The following PRR5 variants were observed in gnomAD, a reference collection of about 807,000 sequenced individuals.
PRR5 encodes proline rich 5, also known as proline-rich protein 5.
In PRR5, 25 loss-of-function variants were observed where a neutral mutation model predicts 30.6. The observed-to-expected ratio is 0.82, with a 90% CI of 0.60 to 1.14. The LOEUF is 1.14. Among genes scored for constraint, PRR5 ranks in the 50% most tolerant of loss-of-function variants. The probability of loss-of-function intolerance (pLI) is 0.00; values close to 1 mark genes in which losing one functional copy is unlikely to be tolerated. For missense variants in PRR5, 600 were observed against 547.1 expected, an observed-to-expected ratio of 1.10 and a Z score of -0.96; for synonymous variants, 286 against 247.1, an observed-to-expected ratio of 1.16 and a Z score of -1.48.
chr22:44,680,732 C>A (rs180756507), intron 1 of PRR5, among the ~76,000 whole-genome samples: 6,303 of 150,264 alleles, frequency 0.042, 150 homozygotes, highest in East Asian at 0.12. Flanking sequence ...TGAGACCCCC[C>A]CACACACACC....
upstream of PRR5, among the ~76,000 whole-genome samples, chr22:44,672,387 G>A (rs1923474770): frequency 6.6e-6 from 1 of 152,078 alleles, no homozygotes; most frequent in Non-Finnish European, 1.5e-5. Context: ...GAGTTCGAGA[G>A]CAGGCTGGCC....
At chr22:44,689,196 C>G (rs1293067378) in intron 1 of PRR5, among the ~76,000 whole-genome samples, 1 of 152,016 alleles carries the variant, frequency 6.6e-6, no homozygotes, top group Non-Finnish European at 1.5e-5. Context: ...ATAATAATAA[C>G]CCTCCCATTT....
rs745884947 is a variant in PRR5 at position 44,737,098 on chromosome 22, C to T, written c.1018C>T (p.Leu340=). The T allele has an allele frequency of 6.8e-6, 11 of 1,612,118 alleles. No individual in the cohort carries two copies. The East Asian group carries it at 1.6e-4, about 23-fold the overall frequency. ...EQGLDPTRSS[L]PRSSPENLVD... ...GGGCTTGGATCCCACCCGCAGCTCC[C>T]TGCCCCGCTCCAGCCCGGAGAACCT... Residue 340 remains leucine (L), a synonymous_variant, in exon 8 of 8, where the codon CTG becomes TTG. Transcript: ENST00000336985.
At chr22:44,709,340 G>A (rs1324102834) in intron 1 of PRR5, among the ~76,000 whole-genome samples, 1 of 152,192 alleles carries the variant, frequency 6.6e-6, no homozygotes, top group African/African-American at 2.4e-5. Flanking sequence ...TCTGTGTGAG[G>A]GAGAGGCGGG....
chr22:44,683,898 A>G (rs1924508241), intron 1 of PRR5, among the ~76,000 whole-genome samples: 1 of 152,234 alleles, frequency 6.6e-6, no homozygotes, highest in Non-Finnish European at 1.5e-5. Flanking sequence ...GATAGGGTTC[A>G]TGGATGGCTG....
intron 1 of PRR5, among the ~76,000 whole-genome samples, chr22:44,707,491 T>A (rs1189366266): frequency 1.3e-5 from 2 of 152,202 alleles, no homozygotes; most frequent in Non-Finnish European, 2.9e-5. Flanking sequence ...GGCTCTGTGC[T>A]TGTGCCCTAG....
chr22:44,702,665 T>C (rs1926521693), intron 1 of PRR5, 57 bp downstream of exon 1: 3 of 1,251,224 alleles, frequency 2.4e-6, no homozygotes, highest in Non-Finnish European at 3.0e-6. Context: ...AGGGGACCCC[T>C]GAGCCGTCCG....
chr22:44,679,640 C>T (rs1054636921), intron 1 of PRR5: 5 of 592,504 alleles, frequency 8.4e-6, no homozygotes, highest in Middle Eastern at 4.8e-4. Context: ...CCAGGAGGCG[C>T]GGTTGCAGTG....
chr22:44,709,447 A>C (rs1036713821), intron 1 of PRR5, among the ~76,000 whole-genome samples: 4 of 152,094 alleles, frequency 2.6e-5, no homozygotes, highest in Non-Finnish European at 5.9e-5. Context: ...AAGCCAAAGA[A>C]TGTGGGCACC....
chr22:44,727,649 C>G (rs1921093215), intron 4 of PRR5, among the ~76,000 whole-genome samples: 2 of 152,336 alleles, frequency 1.3e-5, no homozygotes, highest in South Asian at 4.1e-4. Flanking sequence ...CGAACCCATA[C>G]TCTTCACTCT....
chr22:44,710,094 A>G (rs1264106027), intron 1 of PRR5, among the ~76,000 whole-genome samples: 1 of 151,922 alleles, frequency 6.6e-6, no homozygotes, highest in African/African-American at 2.4e-5. Context: ...CGGGTAGGCA[A>G]GCAGCCAAAG....
chr22:44,732,766 C>T (rs143230985), intron 6 of PRR5, among the ~76,000 whole-genome samples: 27 of 149,270 alleles, frequency 1.8e-4, no homozygotes, highest in Non-Finnish European at 3.3e-4. Flanking sequence ...ACACGCTACA[C>T]ACATGCCTGT....
In PRR5 at chr22:44,731,062, C is replaced by T. The variant is rs1022575549; in HGVS notation, c.323-668C>T. 5.6e-5 allele frequency: 16 copies of T among 287,226 alleles called. No individual in the cohort carries two copies. In the East Asian group the frequency reaches 1.7e-3, roughly 30 times the overall value. The allele number at this position is 287,226 out of a possible 1,614,324, so 17.8% of individuals were successfully genotyped here. The stretch of plus-strand genomic sequence containing the variant: ...AGTGTGGGGGAAGGAGGGAGGAGGT[C>T]GGTGGGTAGAAGAAATCAACTGCTT... On this transcript the variant is annotated intron_variant, in intron 4 of 7. Coordinates refer to ENST00000336985, the MANE Select transcript of PRR5 (RefSeq NM_181333.4).
intron 2 of PRR5, among the ~76,000 whole-genome samples, chr22:44,718,079 C>T (rs1032208268): frequency 2.0e-5 from 3 of 152,070 alleles, no homozygotes; most frequent in African/African-American, 4.8e-5. Context: ...CACAGCATAT[C>T]GCATCCACCT....
At position 44,737,257 on chromosome 22, in the gene PRR5, G is replaced by A; in HGVS notation, c.*10G>A. On this transcript the variant is annotated 3_prime_UTR_variant, in exon 8 of 8. Transcript: ENST00000336985. The stretch of plus-strand genomic sequence containing the variant: ...GCAGAGTGTCGTGTGAGGCCTCACA[G>A]CTGGCCTTGAGTTTTTACTGACACG... The A allele has an allele frequency of 6.3e-7, 1 of 1,587,306 alleles. No individual in the cohort carries two copies. Among genetic ancestry groups the A allele is most frequent in the Non-Finnish European group, 8.6e-7 (1 of 1,163,060 alleles).
intron 2 of PRR5, among the ~76,000 whole-genome samples, chr22:44,718,386 G>A (rs961493829): frequency 1.3e-5 from 2 of 151,736 alleles, no homozygotes; most frequent in African/African-American, 2.4e-5. Context: ...GTAGAGACAG[G>A]GTTTCACCAT....
chr22:44,720,201 C>T (rs1929718269), intron 2 of PRR5, among the ~76,000 whole-genome samples: 1 of 152,254 alleles, frequency 6.6e-6, no homozygotes, highest in South Asian at 2.1e-4. Flanking sequence ...GGTGGCCGTG[C>T]CCGCAGCCTG....
rs893461754 is a variant in PRR5, at chr22:44,691,657, G to A, written c.-10-10835G>A. Among the ~76,000 whole-genome samples the A allele has an allele frequency of 2.0e-5, 3 of 152,088 alleles. No individual in the cohort carries two copies. The highest frequency in any genetic ancestry group is 4.8e-5 in the African/African-American group (2 of 41,420). On this transcript the variant is annotated intron_variant, in intron 1 of 8. Coordinates refer to the PRR5 transcript ENST00000006251. The surrounding 1 kb of genome is among the most constrained non-coding windows in gnomAD (Gnocchi z 4.4). ...GGCGTGGTGGTGCACGCCTGTAATCGCAGCTACTCAGGAGGCTGAGGAAGG... is the reference window on the plus strand; with the variant it reads ...GGCGTGGTGGTGCACGCCTGTAATCACAGCTACTCAGGAGGCTGAGGAAGG...
intron 4 of PRR5, chr22:44,730,759 G>T (rs994931212): frequency 1.3e-6 from 1 of 793,406 alleles, no homozygotes; most frequent in South Asian, 2.9e-5. Flanking sequence ...TATTGGAAGG[G>T]GTCTCCGTGG....
Sources: gnomAD v4.1 joint callset for allele counts (sites outside exome capture counted in the v4.1 genomes callset) on GRCh38, gnomAD v4.1.1 for gene constraint, Gnocchi (gnomAD v3.1) non-coding constraint, MANE v1.5 for transcripts, NCBI Gene and HGNC (gene_info 2026-07-23, HGNC 2026-07-21) for gene names.